The following TCF4 variants were observed in gnomAD, a reference collection of about 807,000 sequenced individuals.
TCF4 encodes transcription factor 4, also known as SL3-3 enhancer factor 2.
A neutral mutation model predicts 82.1 loss-of-function variants in TCF4; 3 were observed. The observed-to-expected ratio is 0.04, with a 90% CI of 0.02 to 0.09. TCF4 has a LOEUF of 0.09. Ranked by LOEUF, TCF4 falls within the 10% of genes least tolerant of loss-of-function variation. TCF4 has a pLI of 1.00. For synonymous variants in TCF4, 276 were observed against 309.6 expected, an observed-to-expected ratio of 0.89 and a Z score of 1.14; for missense variants, 518 against 852.7, an observed-to-expected ratio of 0.61 and a Z score of 4.89.
rs73479280 is a variant in TCF4, at chr18:55,475,365, G to C, written c.146-11228C>G. ...TATAATACTACAATAGTGGTCTGGT[G>C]TCCTTCCCAGGACATCACTTCCAGA... On this transcript the variant is annotated intron_variant, in intron 3 of 19. Coordinates refer to ENST00000354452, the MANE Select transcript of TCF4 (RefSeq NM_001083962.2). Among the ~76,000 whole-genome samples, 1,459 of 152,198 alleles carry C rather than the reference G, an allele frequency of 9.6e-3. 25 individuals carry two copies. The highest frequency in any genetic ancestry group is 0.033 in the African/African-American group (1,367 of 41,526).
intron 8 of TCF4, among the ~76,000 whole-genome samples, chr18:55,334,411 A>G (rs1288897488): frequency 6.6e-6 from 1 of 152,140 alleles, no homozygotes; most frequent in Non-Finnish European, 1.5e-5. Context: ...ATTCTGCCAT[A>G]GTTTCTAATC....
upstream of TCF4, chr18:55,588,241 G>T (rs1313902034): frequency 2.1e-6 from 3 of 1,413,442 alleles, no homozygotes; most frequent in Admixed American, 2.9e-5. Context: ...CTCTTCTCCG[G>T]GGAGGGGAGG....
intron 5 of TCF4, among the ~76,000 whole-genome samples, chr18:55,447,727 C>A (rs1281706368): frequency 6.6e-6 from 1 of 152,104 alleles, no homozygotes; most frequent in Non-Finnish European, 1.5e-5. Context: ...ACTTTTAAAG[C>A]AGTAAGATAG....
intron 6 of TCF4, among the ~76,000 whole-genome samples, chr18:55,394,672 G>A (rs764379331): frequency 6.6e-6 from 1 of 152,164 alleles, no homozygotes; most frequent in Non-Finnish European, 1.5e-5. Context: ...TTTGCATGTT[G>A]GAAATGCTAA....
At chr18:55,411,302 T>C (rs2094335087) in intron 5 of TCF4, among the ~76,000 whole-genome samples, 1 of 152,216 alleles carries the variant, frequency 6.6e-6, no homozygotes, top group Non-Finnish European at 1.5e-5. Flanking sequence ...TTTATGTGAA[T>C]AACATCTTCA....
intron 3 of TCF4, among the ~76,000 whole-genome samples, chr18:55,511,906 T>A (rs937823185): frequency 1.3e-5 from 2 of 152,112 alleles, no homozygotes; most frequent in African/African-American, 4.8e-5. Flanking sequence ...AAATAATTAA[T>A]CATTGCTGCA....
intron 6 of TCF4, among the ~76,000 whole-genome samples, chr18:55,362,572 G>A (rs1368705046): frequency 6.6e-6 from 1 of 151,970 alleles, no homozygotes; most frequent in Non-Finnish European, 1.5e-5. Context: ...TAAAAATAAC[G>A]GGCCTCCAAT....
intron 3 of TCF4, among the ~76,000 whole-genome samples, chr18:55,521,852 G>A (rs1035151220): frequency 2.6e-5 from 4 of 152,134 alleles, no homozygotes; most frequent in Non-Finnish European, 5.9e-5. Flanking sequence ...CTGGAAGACC[G>A]CTGCCTTCCT....
intron 12 of TCF4, among the ~76,000 whole-genome samples, chr18:55,260,901 A>G (rs972769073): frequency 3.9e-5 from 6 of 152,100 alleles, no homozygotes; most frequent in African/African-American, 1.4e-4. Flanking sequence ...GCTTTTGACT[A>G]AAATACCAGA....
intron 10 of TCF4, 142 bp downstream of exon 10, chr18:55,275,477 G>A (rs1402797704): frequency 9.2e-7 from 1 of 1,091,650 alleles, no homozygotes; most frequent in Non-Finnish European, 1.4e-6. Context: ...TTTGATCACA[G>A]AAACAATACA....
chr18:55,491,062 T>C (rs759118291), intron 3 of TCF4, among the ~76,000 whole-genome samples: 1 of 152,244 alleles, frequency 6.6e-6, no homozygotes, highest in Non-Finnish European at 1.5e-5. Context: ...TGTTGGTTAA[T>C]AGTTTTCCTT....
At chr18:55,555,993 C>A (rs1172879657) in intron 3 of TCF4, among the ~76,000 whole-genome samples, 3 of 152,098 alleles carry the variant, frequency 2.0e-5, no homozygotes, top group African/African-American at 7.2e-5. Context: ...GTAGTTTAAA[C>A]AGATATTAAT....
At chr18:55,355,865 TATC>T (rs2083382302) in intron 6 of TCF4, among the ~76,000 whole-genome samples, 1 of 152,184 alleles carries the variant, frequency 6.6e-6, no homozygotes, top group Non-Finnish European at 1.5e-5. Flanking sequence ...ACATTAAACA[TATC>T]ATGCACATTG....
intron 6 of TCF4, among the ~76,000 whole-genome samples, chr18:55,372,671 C>T (rs2089614935): frequency 6.6e-6 from 1 of 151,890 alleles, no homozygotes; most frequent in South Asian, 2.1e-4. Flanking sequence ...AAACCCAGAA[C>T]AACATGGTCC....
chr18:55,554,329 AAATTT>A (rs930401751), intron 3 of TCF4, among the ~76,000 whole-genome samples: 7 of 152,086 alleles, frequency 4.6e-5, no homozygotes, highest in Admixed American at 3.9e-4. Context: ...AAATTTGAAA[AAATTT>A]AATTTATTAA....
intron 1 of TCF4, among the ~76,000 whole-genome samples, chr18:55,635,326 T>C (rs781670984): frequency 6.6e-6 from 1 of 152,040 alleles, no homozygotes; most frequent in Non-Finnish European, 1.5e-5. Flanking sequence ...CCAACCAACA[T>C]GGCAAAACCC....
At chr18:55,248,173 C>T (rs2053888003) in intron 15 of TCF4, among the ~76,000 whole-genome samples, 1 of 151,830 alleles carries the variant, frequency 6.6e-6, no homozygotes, top group South Asian at 2.1e-4. Context: ...AAGATCAAAA[C>T]TTTCAGTTGA....
chr18:55,537,548 A>G (rs150565868), intron 3 of TCF4, among the ~76,000 whole-genome samples: 3,316 of 152,092 alleles, frequency 0.022, 51 homozygotes, highest in Non-Finnish European at 0.033. Context: ...AGCCATGATC[A>G]TGCCACTGCA....
rs1355669248 is a variant in TCF4, at chr18:55,621,781, ATATATAT to A, written c.286+9510_286+9516del. On this transcript the variant is annotated intron_variant, in intron 2 of 20. Transcript: ENST00000398339. The stretch of plus-strand genomic sequence containing the variant: ...ATTATAACATATAATATATAATATA[ATATATAT>A]TATATATTATATGTTATATTATATA... Among the ~76,000 whole-genome samples the A allele has an allele frequency of 1.0e-4, 9 of 90,422 alleles. No homozygotes were observed. In the East Asian group the frequency reaches 1.6e-3, roughly 16 times the overall value. 59.3% of individuals were successfully genotyped at this position (90,422 alleles called of 152,430 possible).
Sources: allele counts gnomAD v4.1 joint callset (sites outside exome capture counted in the v4.1 genomes callset), GRCh38; gene constraint gnomAD v4.1.1; transcripts MANE v1.5; gene names NCBI Gene and HGNC (gene_info 2026-07-23, HGNC 2026-07-21).